Variants in ASIC2 observed in about 807,000 individuals in gnomAD.
ASIC2 encodes acid-sensing ion channel 2.
Under a neutral mutation model 57.3 loss-of-function variants are expected in ASIC2, and 25 were observed. That is an observed-to-expected ratio of 0.44 (90% CI 0.32 to 0.61). ASIC2 has a LOEUF of 0.61. Ranked by LOEUF, ASIC2 falls within the 20% of genes least tolerant of loss-of-function variation. ASIC2 has a pLI of 0.06. For synonymous variants in ASIC2, 319 were observed against 307.5 expected, an observed-to-expected ratio of 1.04 and a Z score of -0.39; for missense variants, 641 against 738.1, an observed-to-expected ratio of 0.87 and a Z score of 1.52.
chr17:33,423,123 T>C (rs1461691302), intron 1 of ASIC2, among the ~76,000 whole-genome samples: 1 of 152,214 alleles, frequency 6.6e-6, no homozygotes, highest in African/African-American at 2.4e-5. Flanking sequence ...GTGATGCATG[T>C]TGGCCTCGGT....
intron 3 of ASIC2, among the ~76,000 whole-genome samples, chr17:33,028,719 G>A (rs897041092): frequency 1.3e-5 from 2 of 151,948 alleles, no homozygotes; most frequent in African/African-American, 4.8e-5. Context: ...CCATAAATGC[G>A]GTTCTCCTCA....
At chr17:34,005,379 GATT>G (rs1906490405) in intron 1 of ASIC2, 1 of 152,032 alleles carries the variant, frequency 6.6e-6, no homozygotes. Context: ...AGTGAGTATG[GATT>G]ATTTTTATAA....
intron 1 of ASIC2, among the ~76,000 whole-genome samples, chr17:33,626,472 C>T (rs929251013): frequency 9.2e-5 from 14 of 152,140 alleles, no homozygotes; most frequent in African/African-American, 3.1e-4. Flanking sequence ...AGGCTATTTA[C>T]ATTTTTTCTA....
chr17:33,203,946 C>T (rs1906969752), intron 1 of ASIC2, among the ~76,000 whole-genome samples: 1 of 152,244 alleles, frequency 6.6e-6, no homozygotes, highest in African/African-American at 2.4e-5. Context: ...CCTAATCTGG[C>T]TCAGGCCAAA....
At chr17:33,394,862 T>A (rs1334854688) in intron 1 of ASIC2, among the ~76,000 whole-genome samples, 1 of 152,122 alleles carries the variant, frequency 6.6e-6, no homozygotes, top group Non-Finnish European at 1.5e-5. Flanking sequence ...ATTTCTACTC[T>A]CATTGATCAT....
At chr17:33,538,065 A>G (rs569789723) in intron 1 of ASIC2, among the ~76,000 whole-genome samples, 23 of 152,330 alleles carry the variant, frequency 1.5e-4, no homozygotes, top group Middle Eastern at 3.4e-3. Context: ...GGAATAGAAG[A>G]TTAAAAGTCT....
chr17:33,399,099 G>A (rs534888623), intron 1 of ASIC2, among the ~76,000 whole-genome samples: 2 of 152,132 alleles, frequency 1.3e-5, no homozygotes, highest in Non-Finnish European at 1.5e-5. Context: ...ATATAGAGAT[G>A]AGCAAAGAGG....
intron 1 of ASIC2, among the ~76,000 whole-genome samples, chr17:33,939,004 C>T (rs915479): frequency 0.31 from 46,937 of 152,108 alleles, 7,356 homozygotes; most frequent in Admixed American, 0.37. Flanking sequence ...GGGCACTGCC[C>T]GGGGCCAGCC....
intron 1 of ASIC2, among the ~76,000 whole-genome samples, chr17:33,236,241 G>A (rs1908292535): frequency 6.6e-6 from 1 of 152,136 alleles, no homozygotes; most frequent in Admixed American, 6.5e-5. Context: ...AATTTTGGTA[G>A]GCAAAAGGGT....
intron 1 of ASIC2, among the ~76,000 whole-genome samples, chr17:33,886,538 T>C (rs910777569): frequency 1.3e-5 from 2 of 151,918 alleles, no homozygotes; most frequent in Admixed American, 6.6e-5. Context: ...CACATGCCCA[T>C]GAGATTACAG....
intron 1 of ASIC2, among the ~76,000 whole-genome samples, chr17:33,944,244 T>A (rs1916256824): frequency 3.3e-5 from 5 of 152,232 alleles, no homozygotes; most frequent in Admixed American, 2.0e-4. Flanking sequence ...TAATATCTGA[T>A]TCATTTGTAT....
At chr17:33,639,418 T>G (rs1906481199) in intron 1 of ASIC2, among the ~76,000 whole-genome samples, 1 of 152,192 alleles carries the variant, frequency 6.6e-6, no homozygotes, top group South Asian at 2.1e-4. Flanking sequence ...TTTACTCTTT[T>G]TCTTCGTTCC....
intron 1 of ASIC2, among the ~76,000 whole-genome samples, chr17:33,877,539 A>T (rs1914580046): frequency 6.6e-6 from 1 of 152,200 alleles, no homozygotes; most frequent in Admixed American, 6.5e-5. Flanking sequence ...GCAGTCTGAG[A>T]TCAAACTGGT....
At chr17:33,393,413 T>C (rs916858476) in intron 1 of ASIC2, among the ~76,000 whole-genome samples, 3 of 152,078 alleles carry the variant, frequency 2.0e-5, no homozygotes, top group Non-Finnish European at 4.4e-5. Context: ...ATCTGAACTG[T>C]ACCGTGTGTT....
At chr17:33,027,624 G>A (rs1387043056) in intron 4 of ASIC2, among the ~76,000 whole-genome samples, 3 of 152,208 alleles carry the variant, frequency 2.0e-5, no homozygotes, top group East Asian at 1.9e-4. Flanking sequence ...AGGTCATACA[G>A]TAAATGAGTG....
Position 34,046,831 on chromosome 17 carries a change from G to C in ASIC2, c.555+109147C>G, listed in dbSNP as rs555309056. ...AGCTCCAGTTTGTTCTTTCAGGCCT[G>C]GGGGGTAGGCTTCCCTTATAGAACT... On this transcript the variant is annotated intron_variant, in intron 1 of 9. Coordinates refer to the ASIC2 transcript ENST00000359872. 2.6e-5 allele frequency among the ~76,000 whole-genome samples: 4 copies of C among 152,238 alleles called. No homozygotes were observed. The East Asian group carries it at 7.7e-4, about 29-fold the overall frequency.
chr17:33,310,675 T>C (rs1906374303), intron 1 of ASIC2, among the ~76,000 whole-genome samples: 1 of 152,158 alleles, frequency 6.6e-6, no homozygotes, highest in Non-Finnish European at 1.5e-5. Context: ...TTTAATGTTT[T>C]TTCTAGAAGG....
At chr17:33,995,611 T>A (rs1418539987) in intron 1 of ASIC2, among the ~76,000 whole-genome samples, 1 of 152,210 alleles carries the variant, frequency 6.6e-6, no homozygotes, top group African/African-American at 2.4e-5. Context: ...TGTATGTATA[T>A]GTTTGTATAT....
At chr17:33,207,946 C>T (rs1201784020) in intron 1 of ASIC2, among the ~76,000 whole-genome samples, 1 of 152,178 alleles carries the variant, frequency 6.6e-6, no homozygotes, top group African/African-American at 2.4e-5. Flanking sequence ...TCTTATTTCC[C>T]TGTTTCCCTA....
Sources: allele counts gnomAD v4.1 joint callset (sites outside exome capture counted in the v4.1 genomes callset), GRCh38; gene constraint gnomAD v4.1.1; transcripts MANE v1.5; gene names NCBI Gene and HGNC (gene_info 2026-07-23, HGNC 2026-07-21).